The following KRT36 variants were observed in gnomAD, a reference collection of about 807,000 sequenced individuals.
KRT36 encodes the protein keratin, type I cuticular Ha6.
Under a neutral mutation model 43.0 loss-of-function variants are expected in KRT36, and 41 were observed. That is an observed-to-expected ratio of 0.95 (90% CI 0.74 to 1.24). The LOEUF (loss-of-function observed/expected upper bound fraction) is 1.24, where lower values mean the gene tolerates loss of function less well. KRT36 is among the 50% of genes most tolerant of loss of function. The probability of loss-of-function intolerance (pLI) is 0.00; values close to 1 mark genes in which losing one functional copy is unlikely to be tolerated. For synonymous variants in KRT36, 277 were observed against 252.9 expected (o/e 1.10, Z -0.90); for missense variants, 627 against 595.3 (o/e 1.05, Z -0.55).
In KRT36 at chr17:41,487,324, C is replaced by G. The variant is rs780382451; in HGVS notation, c.987+27G>C. ...GTCGGGGACCTGCCACAGGCCGTGGCCAGCGACGCAGGCAGGGGCCACTCA... is the reference window on the plus strand; with the variant it reads ...GTCGGGGACCTGCCACAGGCCGTGGGCAGCGACGCAGGCAGGGGCCACTCA... On this transcript the variant is annotated intron_variant, in intron 5 of 6. Transcript: ENST00000328119. The G allele has an allele frequency of 4.4e-6, 7 of 1,604,258 alleles. No individual in the cohort carries two copies. The African/African-American group carries it at 5.3e-5, about 12-fold the overall frequency.
At position 41,488,644 on chromosome 17, in the gene KRT36, G is replaced by T. The variant is rs1483252481; in HGVS notation, c.540C>A (p.Thr180=). 3 of 1,613,876 alleles carry T rather than the reference G, an allele frequency of 1.9e-6. No individual in the cohort carries two copies. Among genetic ancestry groups the T allele is most frequent in the Non-Finnish European group, 2.5e-6 (3 of 1,179,894 alleles). The part of the protein sequence containing the change: ...NAKLAADDFR[T]KYETELSLRQ... ...CTTCCCTGATCAGGCCCACTCACTTGGTCCGGAAGTCGTCAGCAGCCAGCT... is the reference window on the plus strand; with the variant it reads ...CTTCCCTGATCAGGCCCACTCACTTTGTCCGGAAGTCGTCAGCAGCCAGCT... The change falls in exon 2 of 7, where the codon ACC becomes ACA. Residue 180 remains threonine, a splice_region_variant and synonymous_variant. Transcript: ENST00000328119.
intron 3 of KRT36, 140 bp from the exon 4 acceptor site, chr17:41,487,877 G>T (rs1169645234): frequency 3.6e-6 from 3 of 826,522 alleles, no homozygotes; most frequent in African/African-American, 1.7e-5. Context: ...TCTGAGCCTT[G>T]GTCTCCTTCT....
Position 41,486,496 on chromosome 17 carries a change from G to A in KRT36, c.1284C>T (p.Val428=). The part of the protein sequence containing the change: ...RVPSVPPVPC[V]PSVPCTPAPQ... Reference sequence around the variant, plus strand: ...GAGCCGGGGTGCAGGGCACAGAGGGGACACAGGGCACCGGGGGGACAGAAG... The same window carrying A: ...GAGCCGGGGTGCAGGGCACAGAGGGAACACAGGGCACCGGGGGGACAGAAG... Residue 428 remains valine (V), a synonymous_variant, in exon 7 of 7, where the codon GTC becomes GTT. Transcript: ENST00000328119. 1.2e-6 allele frequency: 2 copies of A among 1,612,986 alleles called. No homozygotes were observed. Among genetic ancestry groups the A allele is most frequent in the Non-Finnish European group, 1.7e-6 (2 of 1,179,622 alleles).
At chr17:41,488,792 C>T in intron 1 of KRT36, 68 bp from the exon 2 acceptor site, 1 of 1,319,854 alleles carries the variant, frequency 7.6e-7, no homozygotes, top group East Asian at 2.3e-5. Flanking sequence ...AGGGGGATAG[C>T]TCAGCTCACA....
Position 41,487,131 on chromosome 17 carries a change from G to A in KRT36, c.1027C>T (p.Arg343Cys), listed in dbSNP as rs201247809. 5 of 1,614,118 alleles carry A rather than the reference G, an allele frequency of 3.1e-6. No individual in the cohort carries two copies. The East Asian group carries it at 6.7e-5, about 22-fold the overall frequency. The change falls in exon 6 of 7, where the codon CGC becomes TGC. Residue 343 changes from arginine to cysteine, a missense_variant. Physicochemically the swap from Arg to Cys is radical, Grantham distance 180. Transcript: ENST00000328119. Reference sequence around the variant, plus strand: ...ATCTGGGCCAGCTGGGAGCTGTAGCGGGCCTCGGTTTCGGCCAGGGTGGAT... The same window carrying A: ...ATCTGGGCCAGCTGGGAGCTGTAGCAGGCCTCGGTTTCGGCCAGGGTGGAT... ...LESTLAETEA[R>C]YSSQLAQMQC... is the part of the protein sequence containing the mutation.
Position 41,486,324 on chromosome 17 carries a change from G to A in KRT36, c.*52C>T, listed in dbSNP as rs1181697655. 163 of 1,512,692 alleles carry A rather than the reference G, an allele frequency of 1.1e-4. No homozygotes were observed. Among genetic ancestry groups the A allele is most frequent in the Non-Finnish European group, 1.4e-4 (156 of 1,095,266 alleles). The allele number at this position is 1,512,692 out of a possible 1,614,324, so 93.7% of individuals were successfully genotyped here. ...TCGTTAAGCCTCCAGGAGCCACAGGGGTGTCCTCCTTCCTGTGGTCAGGGC... is the reference window on the plus strand; with the variant it reads ...TCGTTAAGCCTCCAGGAGCCACAGGAGTGTCCTCCTTCCTGTGGTCAGGGC... On this transcript the variant is annotated 3_prime_UTR_variant, in exon 7 of 7. Transcript: ENST00000328119.
At chr17:41,487,867 T>C in intron 3 of KRT36, 130 bp from the exon 4 acceptor site, 1 of 900,740 alleles carries the variant, frequency 1.1e-6, no homozygotes, top group Non-Finnish European at 1.7e-6. Context: ...CTTAAATATC[T>C]CTGAGCCTTG....
In KRT36 at chr17:41,487,696, A is replaced by G; in HGVS notation, c.741T>C (p.Asn247=). The G allele has an allele frequency of 6.2e-7, 1 of 1,613,964 alleles. No individual in the cohort carries two copies. Among genetic ancestry groups the G allele is most frequent in the Middle Eastern group, 1.7e-4 (1 of 6,058 alleles). The change falls in exon 4 of 7, where the codon AAT becomes AAC. Residue 247 remains asparagine (N), a synonymous_variant. Coordinates refer to ENST00000328119, the MANE Select transcript of KRT36 (RefSeq NM_003771.5). ...CTGGGGGAGCAGCGTCCACCTCCAC[A>G]TTCAGTCGGTCCCCAAGTTGGCAAC... ...VLRCQLGDRL[N]VEVDAAPPVD...
rs1904375412 is a variant in KRT36, at chr17:41,486,212, A to G, written c.*164T>C. On this transcript the variant is annotated 3_prime_UTR_variant, in exon 7 of 7. Coordinates refer to ENST00000328119, the MANE Select transcript of KRT36 (RefSeq NM_003771.5). ...ACCTGGTTTTGCATGGCGTAAAAGC[A>G]CAGTTAAGTCCGGAAACACAATACG... 8.4e-6 allele frequency: 5 copies of G among 594,776 alleles called. No individual in the cohort carries two copies. The highest frequency in any genetic ancestry group is 1.9e-5 in the African/African-American group (1 of 52,672). The allele number at this position is 594,776 out of a possible 1,614,324, so 36.8% of individuals were successfully genotyped here.
chr17:41,486,451 G>T lies in KRT36; in HGVS notation c.1329C>A (p.Ile443=). The T allele has an allele frequency of 1.2e-6, 2 of 1,614,136 alleles. No homozygotes were observed. The highest frequency in any genetic ancestry group is 1.7e-6 in the Non-Finnish European group (2 of 1,180,016). ...CTPAPQVGTQ[I]RTITEEIRDG... ...CTCTGATCTCCTCGGTGATGGTGCGGATCTGAGTGCCAACCTGGGGAGCCG... is the reference window on the plus strand; with the variant it reads ...CTCTGATCTCCTCGGTGATGGTGCGTATCTGAGTGCCAACCTGGGGAGCCG... Residue 443 remains isoleucine (I), a synonymous_variant, in exon 7 of 7, where the codon ATC becomes ATA. Transcript: ENST00000328119.
At position 41,489,845 on chromosome 17, in the gene KRT36, G is replaced by A. The variant is rs763808931; in HGVS notation, c.20C>T (p.Thr7Ile). The change falls in exon 1 of 7, where the codon ACC becomes ATC. Residue 7 changes from threonine (T) to isoleucine (I), a missense_variant. By Grantham distance (89) the Thr-to-Ile change is moderately conservative. Coordinates refer to ENST00000328119, the MANE Select transcript of KRT36 (RefSeq NM_003771.5). MATQTC[T>I]PTFSTGSIKG... Reference sequence around the variant, plus strand: ...GATAGACCCAGTGGAGAAGGTAGGGGTGCAGGTCTGGGTGGCCATGGTGCT... The same window carrying A: ...GATAGACCCAGTGGAGAAGGTAGGGATGCAGGTCTGGGTGGCCATGGTGCT... 3 of 1,612,762 alleles carry A rather than the reference G, an allele frequency of 1.9e-6. No individual in the cohort carries two copies. The highest frequency in any genetic ancestry group is 1.7e-4 in the Middle Eastern group (1 of 6,056).
chr17:41,487,762 T>G (rs781076555), intron 3 of KRT36, 25 bp from the exon 4 acceptor site: 92 of 1,583,476 alleles, frequency 5.8e-5, no homozygotes, highest in Non-Finnish European at 7.5e-5. Flanking sequence ...CAAGACGGCA[T>G]GAGGTTGTGA....
intron 3 of KRT36, 91 bp downstream of exon 3, chr17:41,488,152 A>G: frequency 1.6e-6 from 2 of 1,263,986 alleles, no homozygotes; most frequent in African/African-American, 1.5e-5. Context: ...AGGCCTTTGT[A>G]TAGTTCCTGC....
intron 1 of KRT36, among the ~76,000 whole-genome samples, chr17:41,489,144 G>A (rs1391361869): frequency 1.3e-5 from 2 of 152,192 alleles, no homozygotes; most frequent in African/African-American, 2.4e-5. Flanking sequence ...GCACAGTGCT[G>A]TATCCGGTAG....
Position 41,489,825 on chromosome 17 carries a change from A to G in KRT36, c.40T>C (p.Ser14Pro), listed in dbSNP as rs769219679. 3 of 1,613,430 alleles carry G rather than the reference A, an allele frequency of 1.9e-6. No homozygotes were observed. Among genetic ancestry groups the G allele is most frequent in the South Asian group, 1.1e-5 (1 of 91,036 alleles). The change falls in exon 1 of 7, where the codon TCT becomes CCT. Residue 14 changes from serine (S) to proline (P), a missense_variant. Coordinates refer to ENST00000328119, the MANE Select transcript of KRT36 (RefSeq NM_003771.5). ...GCTGTGCCACAGAGGCCCTTGATAGACCCAGTGGAGAAGGTAGGGGTGCAG... is the reference window on the plus strand; with the variant it reads ...GCTGTGCCACAGAGGCCCTTGATAGGCCCAGTGGAGAAGGTAGGGGTGCAG... ...QTCTPTFSTG[S>P]IKGLCGTAGG...
intron 2 of KRT36, 62 bp from the exon 3 acceptor site, chr17:41,488,461 T>G (rs1904468703): frequency 6.9e-6 from 11 of 1,587,638 alleles, no homozygotes; most frequent in Non-Finnish European, 7.7e-6. Flanking sequence ...CAGGGACCCC[T>G]GCCCTACTGT....
intron 5 of KRT36, 52 bp downstream of exon 5, chr17:41,487,299 G>A (rs377499729): frequency 2.1e-5 from 33 of 1,588,290 alleles, no homozygotes; most frequent in East Asian, 1.8e-4. Flanking sequence ...AGGCTGGTGC[G>A]TCGGGGACCT....
rs200188804 is a variant in KRT36 at position 41,489,725 on chromosome 17, C to T, written c.140G>A (p.Gly47Glu). 1.2e-4 allele frequency: 186 copies of T among 1,613,998 alleles called. No homozygotes were observed. Among genetic ancestry groups the T allele is most frequent in the Non-Finnish European group, 1.6e-4 (184 of 1,180,032 alleles). The change falls in exon 1 of 7, where the codon GGG (glycine) becomes GAG (glutamate). Residue 47 changes from glycine to glutamate, a missense_variant. Physicochemically the swap from Gly to Glu is moderately conservative, Grantham distance 98. Transcript: ENST00000328119. ...CRVPSLAGAA[G>E]YISSARSGLS... ...GCCCGACCTAGCAGAAGAGATGTAC[C>T]CTGCAGCACCGGCGAGACTGGGGAC...
rs1244299233 is a variant in KRT36 at position 41,489,748 on chromosome 17, G to A, written c.117C>T (p.Val39=). The A allele has an allele frequency of 6.2e-7, 1 of 1,614,030 alleles. No homozygotes were observed. Among genetic ancestry groups the A allele is most frequent in the Admixed American group, 1.7e-5 (1 of 60,002 alleles). The change falls in exon 1 of 7, where the codon GTC becomes GTT. Residue 39 remains valine, a synonymous_variant. Coordinates refer to ENST00000328119, the MANE Select transcript of KRT36 (RefSeq NM_003771.5). The part of the protein sequence containing the change: ...SSIRSVGSCR[V]PSLAGAAGYI... ...ACCCTGCAGCACCGGCGAGACTGGG[G>A]ACCCTGCAGGAGCCCACAGAACGGA...
Sources: gnomAD v4.1 joint callset for allele counts (sites outside exome capture counted in the v4.1 genomes callset) on GRCh38, gnomAD v4.1.1 for gene constraint, MANE v1.5 for transcripts, NCBI Gene and HGNC (gene_info 2026-07-23, HGNC 2026-07-21) for gene names.